Variants in NTRK2 observed in about 807,000 individuals in gnomAD.
NTRK2 encodes the protein BDNF/NT-3 growth factors receptor.
NTRK2 carries 13 observed loss-of-function variants against 94.5 expected under a neutral mutation model. That is an observed-to-expected ratio of 0.14 (90% CI 0.09 to 0.22). The LOEUF is 0.22. Ranked by LOEUF, NTRK2 falls within the 10% of genes least tolerant of loss-of-function variation. NTRK2 has a pLI of 1.00. For missense variants in NTRK2, 639 were observed against 1,071.2 expected, an observed-to-expected ratio of 0.60 and a Z score of 5.63; for synonymous variants, 372 against 407.4, an observed-to-expected ratio of 0.91 and a Z score of 1.05.
chr9:84,861,226 T>A (rs938075392), intron 13 of NTRK2, 139 bp downstream of exon 13: 23 of 705,814 alleles, frequency 3.3e-5, no homozygotes, highest in Non-Finnish European at 5.5e-5. Flanking sequence ...GTTGAAGAAG[T>A]AGGTCTAGAA....
At chr9:84,710,487 G>T in intron 5 of NTRK2, 150 bp from the exon 6 acceptor site, 1 of 784,434 alleles carries the variant, frequency 1.3e-6, no homozygotes, top group Non-Finnish European at 2.2e-6. Flanking sequence ...ATAAATGAAG[G>T]AATAATAAGT....
chr9:84,902,686 C>A (rs1427791481), intron 14 of NTRK2, among the ~76,000 whole-genome samples: 1 of 152,194 alleles, frequency 6.6e-6, no homozygotes, highest in Non-Finnish European at 1.5e-5. Flanking sequence ...TCCCCTCAAT[C>A]TTTGGGTGTC....
rs201140977 is a variant in NTRK2, at chr9:85,022,302, C to G, written c.*865C>G. 1.7e-5 allele frequency: 4 copies of G among 232,994 alleles called. No individual in the cohort carries two copies. Among genetic ancestry groups the G allele is most frequent in the Non-Finnish European group, 3.4e-5 (4 of 117,974 alleles). The allele number at this position is 232,994 out of a possible 1,614,324, so 14.4% of individuals were successfully genotyped here. On this transcript the variant is annotated 3_prime_UTR_variant, in exon 19 of 19. Transcript: ENST00000277120. ...TCCCATCACCAGAAATGATAGCGTG[C>G]AGTAGAGAGCAAAGATGGCTTCCGT...
intron 14 of NTRK2, among the ~76,000 whole-genome samples, chr9:84,888,767 G>A (rs971470670): frequency 4.0e-5 from 6 of 151,304 alleles, no homozygotes; most frequent in Non-Finnish European, 7.4e-5. Context: ...TCCCTAAGAG[G>A]TTGGACCCAG....
chr9:84,973,223 A>T (rs1446861117), intron 17 of NTRK2, among the ~76,000 whole-genome samples: 1 of 152,334 alleles, frequency 6.6e-6, no homozygotes, highest in African/African-American at 2.4e-5. Flanking sequence ...TAGTTAAGAG[A>T]AAAAGGGGAA....
intron 11 of NTRK2, among the ~76,000 whole-genome samples, chr9:84,750,942 T>A (rs1304590774): frequency 6.6e-6 from 1 of 152,228 alleles, no homozygotes; most frequent in Admixed American, 6.5e-5. Flanking sequence ...ACCTCTGGGA[T>A]GGGAGAGGAT....
Position 84,839,559 on chromosome 9 carries a change from A to ACCATCTTGCTGCATT in NTRK2, c.1397-21480_1397-21466dup, listed in dbSNP as rs1181665897. Among the ~76,000 whole-genome samples, 3 of 152,192 alleles carry ACCATCTTGCTGCATT rather than the reference A, an allele frequency of 2.0e-5. No individual in the cohort carries two copies. The East Asian group carries it at 5.8e-4, about 29-fold the overall frequency. ...CACTCTTACTCTGTAAAGAGCAGTGACCATCTTGCTGCATTAGGTCAACAC... is the reference window on the plus strand; with the variant it reads ...CACTCTTACTCTGTAAAGAGCAGTGACCATCTTGCTGCATTCCATCTTGCTGCATTAGGTCAACAC... On this transcript the variant is annotated intron_variant, in intron 12 of 18. Transcript: ENST00000277120.
intron 17 of NTRK2, among the ~76,000 whole-genome samples, chr9:84,973,886 T>A (rs544736493): frequency 6.8e-4 from 103 of 152,116 alleles, no homozygotes; most frequent in African/African-American, 2.4e-3. Flanking sequence ...GGAAAAAATT[T>A]AAAAAAAACA....
chr9:84,767,561 C>A (rs1482082943), intron 12 of NTRK2, among the ~76,000 whole-genome samples: 1 of 152,082 alleles, frequency 6.6e-6, no homozygotes, highest in Non-Finnish European at 1.5e-5. Context: ...TCTAATTATC[C>A]AAATCTCCTA....
In NTRK2 at chr9:84,922,704, A is replaced by C. The variant is rs116162351; in HGVS notation, c.1634-11458A>C. Among the ~76,000 whole-genome samples, 305 of 152,338 alleles carry C rather than the reference A, an allele frequency of 2.0e-3. 2 individuals are homozygous for C. Among genetic ancestry groups the C allele is most frequent in the African/African-American group, 7.2e-3 (298 of 41,582 alleles). On this transcript the variant is annotated intron_variant, in intron 14 of 18. Coordinates refer to ENST00000277120, the MANE Select transcript of NTRK2 (RefSeq NM_006180.6). ...AGAAAATGCATGCACAATGCCTAAA[A>C]CATGCCCAGCACACAGCTAATGTGC...
chr9:84,809,296 A>G (rs551484359), intron 12 of NTRK2, among the ~76,000 whole-genome samples: 2 of 152,024 alleles, frequency 1.3e-5, no homozygotes, highest in South Asian at 4.2e-4. Flanking sequence ...AGGTCAAGGA[A>G]CTGTGTTTTC....
intron 12 of NTRK2, among the ~76,000 whole-genome samples, chr9:84,842,195 C>T (rs2074225941): frequency 2.0e-5 from 3 of 152,094 alleles, no homozygotes; most frequent in Non-Finnish European, 4.4e-5. Flanking sequence ...GGGTATAGGA[C>T]GTACTTTGGG....
chr9:84,874,894 G>C, intron 14 of NTRK2: 1 of 1,057,146 alleles, frequency 9.5e-7, no homozygotes, highest in East Asian at 5.3e-5. Context: ...ATCCCAGTTG[G>C]TATAGGCCCA....
intron 12 of NTRK2, among the ~76,000 whole-genome samples, chr9:84,771,577 T>C (rs927235481): frequency 7.9e-5 from 12 of 152,336 alleles, no homozygotes; most frequent in Middle Eastern, 3.4e-3. Flanking sequence ...ACCTTTAAAG[T>C]TTCTGTATGG....
chr9:84,775,805 G>A (rs1402553756), intron 12 of NTRK2, among the ~76,000 whole-genome samples: 1 of 152,028 alleles, frequency 6.6e-6, no homozygotes, highest in Non-Finnish European at 1.5e-5. Flanking sequence ...TATCACTTAG[G>A]AACTTTTTCA....
At position 84,861,031 on chromosome 9, in the gene NTRK2, G is replaced by A; in HGVS notation, c.1397-9G>A. On this transcript the variant is annotated splice_polypyrimidine_tract_variant and intron_variant, in intron 12 of 18. Coordinates refer to ENST00000277120, the MANE Select transcript of NTRK2 (RefSeq NM_006180.6). ...CGAAGTTTATTTTATGTTTTGTTGT[G>A]GTTTTCAGATTTCTCATGGTTTGGA... 6.2e-7 allele frequency: 1 copy of A among 1,612,636 alleles called. No homozygotes were observed. Among genetic ancestry groups the A allele is most frequent in the Non-Finnish European group, 8.5e-7 (1 of 1,179,154 alleles).
chr9:84,694,726 C>T (rs1194014386), intron 2 of NTRK2, among the ~76,000 whole-genome samples: 4 of 152,056 alleles, frequency 2.6e-5, no homozygotes, highest in Admixed American at 6.5e-5. Flanking sequence ...GTTGAAATGC[C>T]GTGGCTGTAA....
chr9:84,906,041 G>T (rs2077066666), intron 14 of NTRK2, among the ~76,000 whole-genome samples: 1 of 152,212 alleles, frequency 6.6e-6, no homozygotes, highest in South Asian at 2.1e-4. Context: ...TGAAGCAAAA[G>T]AGACATCCCA....
At chr9:84,700,530 A>G (rs2060657614) in intron 2 of NTRK2, among the ~76,000 whole-genome samples, 1 of 152,178 alleles carries the variant, frequency 6.6e-6, no homozygotes, top group Admixed American at 6.5e-5. Context: ...TTTATGTAAC[A>G]GGGGACAATG....
Sources: gnomAD v4.1 joint callset for allele counts (sites outside exome capture counted in the v4.1 genomes callset) on GRCh38, gnomAD v4.1.1 for gene constraint, MANE v1.5 for transcripts, NCBI Gene and HGNC (gene_info 2026-07-23, HGNC 2026-07-21) for gene names.